The following ADGRV1 variants were observed in gnomAD, a reference collection of about 807,000 sequenced individuals.
The protein encoded by ADGRV1 is adhesion G protein-coupled receptor V1, also known as G-protein coupled receptor 98.
Under a neutral mutation model 596.2 loss-of-function variants are expected in ADGRV1, and 359 were observed. The ratio of observed to expected loss-of-function variants is 0.60; its 90% CI spans 0.55 to 0.66. The LOEUF (loss-of-function observed/expected upper bound fraction) is 0.66. Among genes scored for constraint, ADGRV1 ranks in the 30% least tolerant of loss-of-function variants. The probability of loss-of-function intolerance (pLI) is 0.00; values close to 1 mark genes in which losing one functional copy is unlikely to be tolerated. For missense variants in ADGRV1, 7,274 were observed against 7,575.6 expected, an observed-to-expected ratio of 0.96 and a Z score of 1.48; for synonymous variants, 2,681 against 2,679.2, an observed-to-expected ratio of 1.00 and a Z score of -0.02.
chr5:90,933,874 C>T (rs965877895), intron 83 of ADGRV1, among the ~76,000 whole-genome samples: 9 of 152,116 alleles, frequency 5.9e-5, no homozygotes, highest in Non-Finnish European at 4.4e-5. Flanking sequence ...GTGGTATGAA[C>T]AATCTGTCAA....
chr5:90,957,157 T>A (rs1777554276), intron 83 of ADGRV1, among the ~76,000 whole-genome samples: 1 of 152,140 alleles, frequency 6.6e-6, no homozygotes, highest in African/African-American at 2.4e-5. Flanking sequence ...AAAAAGTCTT[T>A]CCTTAGGTCT....
At chr5:90,750,068 G>T (rs1755072813) in intron 52 of ADGRV1, among the ~76,000 whole-genome samples, 1 of 152,146 alleles carries the variant, frequency 6.6e-6, no homozygotes, top group Non-Finnish European at 1.5e-5. Context: ...GTTGTGCATG[G>T]ATGGGATGTT....
rs1171173342 is a variant in ADGRV1 at position 90,778,939 on chromosome 5, A to G, written c.12924A>G (p.Thr4308=). The G allele has an allele frequency of 6.2e-6, 10 of 1,613,532 alleles. No individual in the cohort carries two copies. Among genetic ancestry groups the G allele is most frequent in the East Asian group, 2.2e-5 (1 of 44,866 alleles). ...TCTGGTACAAGACGATGAGCGGGAC[A>G]GCGGAAGCAGGCTTGGATTTTGTTC... ...VRLWYKTMSG[T]AEAGLDFVPA... is the part of the protein sequence containing the mutation. The change falls in exon 64 of 90, where the codon ACA becomes ACG. Residue 4308 remains threonine, a synonymous_variant. Transcript: ENST00000405460.
chr5:91,059,685 G>A (rs1787227075), intron 85 of ADGRV1, among the ~76,000 whole-genome samples: 1 of 152,170 alleles, frequency 6.6e-6, no homozygotes, highest in Non-Finnish European at 1.5e-5. Context: ...TCCCCATAAA[G>A]TGGATAAAAT....
intron 82 of ADGRV1, among the ~76,000 whole-genome samples, chr5:90,859,224 G>A (rs903075484): frequency 6.6e-6 from 1 of 152,100 alleles, no homozygotes. Flanking sequence ...CGATCCTCCT[G>A]CCTGAATCTC....
chr5:91,148,703 T>C (rs1795763425), intron 87 of ADGRV1, among the ~76,000 whole-genome samples: 1 of 152,098 alleles, frequency 6.6e-6, no homozygotes, highest in Non-Finnish European at 1.5e-5. Context: ...AGGCCCACCA[T>C]CTTCTAGACC....
At chr5:90,673,479 T>C (rs1181264919) in intron 22 of ADGRV1, among the ~76,000 whole-genome samples, 1 of 152,178 alleles carries the variant, frequency 6.6e-6, no homozygotes, top group Admixed American at 6.6e-5. Context: ...CCTTAGTCTG[T>C]TGGGACTGCT....
intron 73 of ADGRV1, among the ~76,000 whole-genome samples, chr5:90,809,758 C>T (rs1044388750): frequency 6.6e-6 from 1 of 152,166 alleles, no homozygotes; most frequent in Non-Finnish European, 1.5e-5. Flanking sequence ...CTCATTCATA[C>T]ATAAAGTTTT....
At chr5:90,579,995 C>G (rs779168104) in intron 1 of ADGRV1, among the ~76,000 whole-genome samples, 4 of 152,064 alleles carry the variant, frequency 2.6e-5, no homozygotes, top group Non-Finnish European at 5.9e-5. Flanking sequence ...TATTTTGAGC[C>G]TATGTGCATC....
intron 69 of ADGRV1, among the ~76,000 whole-genome samples, chr5:90,790,419 A>C (rs1327048632): frequency 6.6e-6 from 1 of 152,180 alleles, no homozygotes; most frequent in East Asian, 1.9e-4. Context: ...TTGACACTTC[A>C]TAGTTTTGAG....
chr5:90,868,996 A>G (rs759685071), intron 83 of ADGRV1, among the ~76,000 whole-genome samples: 44 of 152,110 alleles, frequency 2.9e-4, no homozygotes, highest in Admixed American at 7.2e-4. Flanking sequence ...CATATGTACA[A>G]TATTAAGATT....
intron 83 of ADGRV1, among the ~76,000 whole-genome samples, chr5:90,929,085 GTT>G (rs879815525): frequency 0.011 from 1,657 of 151,398 alleles, 37 homozygotes; most frequent in Admixed American, 0.063. Flanking sequence ...CTGTCTTTTT[GTT>G]TGTCTGTGCC....
intron 85 of ADGRV1, among the ~76,000 whole-genome samples, chr5:91,012,318 ACTTACG>A (rs538939903): frequency 2.0e-5 from 3 of 152,062 alleles, no homozygotes; most frequent in African/African-American, 7.2e-5. Flanking sequence ...CCATTGAACA[ACTTACG>A]CTTTCCTTTC....
chr5:90,691,225 A>G, intron 31 of ADGRV1, 184 bp downstream of exon 31: 1 of 772,680 alleles, frequency 1.3e-6, no homozygotes, highest in Non-Finnish European at 2.2e-6. Flanking sequence ...TTCTAGAAAT[A>G]GATTGTATAC....
At chr5:90,832,589 A>C (rs1458267260) in intron 77 of ADGRV1, among the ~76,000 whole-genome samples, 2 of 152,150 alleles carry the variant, frequency 1.3e-5, no homozygotes, top group Non-Finnish European at 2.9e-5. Flanking sequence ...TTGGTTGTGC[A>C]GAAACTTTTT....
intron 52 of ADGRV1, among the ~76,000 whole-genome samples, chr5:90,747,359 C>G (rs1421442002): frequency 2.6e-5 from 4 of 152,116 alleles, no homozygotes; most frequent in Non-Finnish European, 5.9e-5. Context: ...TGACCACCCA[C>G]AGTTTCGATG....
intron 77 of ADGRV1, among the ~76,000 whole-genome samples, chr5:90,830,220 A>G (rs1764409876): frequency 6.6e-6 from 1 of 152,174 alleles, no homozygotes; most frequent in Non-Finnish European, 1.5e-5. Flanking sequence ...TATCTTTACG[A>G]CAGAGTCCAC....
At position 90,853,419 on chromosome 5, in the gene ADGRV1, C is replaced by T. The variant is rs539764491; in HGVS notation, c.17340C>T (p.Val5780=). The change falls in exon 80 of 90, where the codon GTC becomes GTT. Residue 5780 remains valine (V), a synonymous_variant. Transcript: ENST00000405460. ...GAATTCCAGAGAGGCTACTGGATGT[C>T]CAGGATGCAGAAATAATGGCTGGGA... The part of the protein sequence containing the change: ...YIRIPERLLD[V]QDAEIMAGKS... The T allele has an allele frequency of 6.2e-7, 1 of 1,613,432 alleles. No individual in the cohort carries two copies. The highest frequency in any genetic ancestry group is 1.3e-5 in the African/African-American group (1 of 74,984).
intron 84 of ADGRV1, among the ~76,000 whole-genome samples, chr5:90,970,550 C>CATTCGCTGTTCAGCAAT (rs1778871425): frequency 1.7e-5 from 1 of 58,022 alleles, no homozygotes; most frequent in Non-Finnish European, 2.9e-5. Context: ...GAGGCAGCAA[C>CATTCGCTGTTCAGCAAT]ATTTGCTGTT....
Sources: allele counts gnomAD v4.1 joint callset (sites outside exome capture counted in the v4.1 genomes callset), GRCh38; gene constraint gnomAD v4.1.1; transcripts MANE v1.5; gene names NCBI Gene and HGNC (gene_info 2026-07-23, HGNC 2026-07-21).